Variants in RPE65 observed in about 807,000 individuals in gnomAD.
RPE65 encodes retinoid isomerohydrolase RPE65, also known as retinoid isomerohydrolase.
RPE65 carries 58 observed loss-of-function variants against 68.5 expected under a neutral mutation model. The ratio of observed to expected loss-of-function variants is 0.85; its 90% CI spans 0.69 to 1.05. RPE65 has a LOEUF of 1.05. RPE65 is among the 50% of genes least tolerant of loss of function. The pLI is 0.00. For missense variants in RPE65, 643 were observed against 629.9 expected (o/e 1.02, Z -0.22); for synonymous variants, 220 against 222.2 (o/e 0.99, Z 0.09).
chr1:68,441,335 T>C (rs112349100), intron 5 of RPE65, among the ~76,000 whole-genome samples: 1 of 152,176 alleles, frequency 6.6e-6, no homozygotes, highest in African/African-American at 2.4e-5. Flanking sequence ...ACTCTTATTA[T>C]TGTATTAGAT....
chr1:68,447,363 C>T (rs946697809), intron 2 of RPE65, among the ~76,000 whole-genome samples: 1 of 152,118 alleles, frequency 6.6e-6, no homozygotes, highest in Admixed American at 6.5e-5. Context: ...AGAGCTATAT[C>T]CCTCTGTGAG....
intron 1 of RPE65, among the ~76,000 whole-genome samples, chr1:68,448,965 C>T (rs1159759130): frequency 1.3e-5 from 2 of 152,118 alleles, no homozygotes; most frequent in African/African-American, 2.4e-5. Flanking sequence ...TGTCAAGAGA[C>T]ATGACCTCTC....
chr1:68,436,528 G>T (rs554682036), intron 10 of RPE65, among the ~76,000 whole-genome samples: 9 of 151,952 alleles, frequency 5.9e-5, no homozygotes, highest in African/African-American at 2.2e-4. Flanking sequence ...GAGTGCAATG[G>T]CATGATCTCG....
intron 10 of RPE65, among the ~76,000 whole-genome samples, chr1:68,436,413 T>G (rs1218240009): frequency 6.6e-6 from 1 of 151,952 alleles, no homozygotes; most frequent in African/African-American, 2.4e-5. Flanking sequence ...TAAAATTTAT[T>G]CTTTTTTCTA....
chr1:68,446,105 G>A (rs1304061582), intron 3 of RPE65, among the ~76,000 whole-genome samples: 1 of 152,014 alleles, frequency 6.6e-6, no homozygotes, highest in East Asian at 1.9e-4. Flanking sequence ...CTGGAATGAT[G>A]ATTTAGGGCT....
rs1557600983 is a variant in RPE65, at chr1:68,440,884, G to A, written c.612C>T (p.Tyr204=). The A allele has an allele frequency of 5.0e-6, 8 of 1,613,978 alleles. No individual in the cohort carries two copies. The highest frequency in any genetic ancestry group is 6.8e-6 in the Non-Finnish European group (8 of 1,179,922). The change falls in exon 6 of 14, where the codon TAC becomes TAT. Residue 204 remains tyrosine (Y), a synonymous_variant. Coordinates refer to ENST00000262340, the MANE Select transcript of RPE65 (RefSeq NM_000329.3). ...GCAGTGGTGGGATCTTTACAATGTT[G>A]TAGGCAATTGAAAAATTTTTTCCAA... ...NCFGKNFSIA[Y]NIVKIPPLQA...
chr1:68,436,776 C>G (rs1157032582), intron 10 of RPE65, among the ~76,000 whole-genome samples: 1 of 152,062 alleles, frequency 6.6e-6, no homozygotes, highest in Non-Finnish European at 1.5e-5. Flanking sequence ...CCCAGCTCCT[C>G]TTACTTCTAT....
chr1:68,430,900 G>A (rs112015440), intron 13 of RPE65, among the ~76,000 whole-genome samples, 165 bp downstream of exon 13: 104 of 152,196 alleles, frequency 6.8e-4, no homozygotes, highest in South Asian at 2.9e-3. Flanking sequence ...ATCAAAAGAT[G>A]AAAATTCTTT....
chr1:68,435,349 G>A (rs1490599372), intron 10 of RPE65, among the ~76,000 whole-genome samples: 2 of 151,454 alleles, frequency 1.3e-5, no homozygotes, highest in Admixed American at 6.6e-5. Flanking sequence ...TGTTTCTTTT[G>A]GAAAACCTAA....
intron 5 of RPE65, among the ~76,000 whole-genome samples, chr1:68,443,548 C>A (rs947912368): frequency 1.3e-5 from 2 of 152,150 alleles, no homozygotes; most frequent in Non-Finnish European, 2.9e-5. Context: ...TCTCTAAATT[C>A]ACTGAAATCA....
intron 10 of RPE65, among the ~76,000 whole-genome samples, chr1:68,437,953 T>C (rs996902502): frequency 6.6e-6 from 1 of 152,206 alleles, no homozygotes; most frequent in African/African-American, 2.4e-5. Context: ...AGATTTAGAA[T>C]TTAAAAACCT....
intron 10 of RPE65, among the ~76,000 whole-genome samples, chr1:68,437,553 A>G (rs1215148605): frequency 6.6e-6 from 1 of 152,226 alleles, no homozygotes; most frequent in African/African-American, 2.4e-5. Flanking sequence ...TAGATATAAA[A>G]GAAAGCATAT....
At chr1:68,449,751 G>A in intron 1 of RPE65, 144 bp downstream of exon 1, 1 of 908,712 alleles carries the variant, frequency 1.1e-6, no homozygotes, top group South Asian at 1.5e-5. Context: ...TAATACATAA[G>A]CAGGAAAAAA....
At chr1:68,438,036 T>A in intron 10 of RPE65, 151 bp downstream of exon 10, 1 of 918,746 alleles carries the variant, frequency 1.1e-6, no homozygotes, top group Non-Finnish European at 1.6e-6. Flanking sequence ...GTTTCATTTG[T>A]AAAATGAAGG....
chr1:68,438,098 C>T lies in RPE65; in HGVS notation c.1128+89G>A, dbSNP rs377413027. On this transcript the variant is annotated intron_variant, in intron 10 of 13. Coordinates refer to ENST00000262340, the MANE Select transcript of RPE65 (RefSeq NM_000329.3). ...TCCTTCTAGCTCTCAAATTTCAAGA[C>T]TTTATGTATAAACATGAGGCAGGAG... The T allele has an allele frequency of 2.6e-6, 4 of 1,523,224 alleles. No individual in the cohort carries two copies. The African/African-American group carries it at 4.1e-5, about 16-fold the overall frequency. The allele number at this position is 1,523,224 out of a possible 1,614,324, so 94.4% of individuals were successfully genotyped here. A position where few individuals can be genotyped will look rare whatever the true frequency, so the allele number is the denominator to read the frequency against.
At position 68,429,926 on chromosome 1, in the gene RPE65, A is replaced by T. The variant is rs775602082; in HGVS notation, c.1452T>A (p.Gly484=). The T allele has an allele frequency of 4.3e-6, 7 of 1,613,472 alleles. No homozygotes were observed. In the African/African-American group the frequency reaches 9.4e-5, roughly 22 times the overall value. ...GGCTCACCACCACACTCAGAACTAC[A>T]CCTGTTTATCAGAAGTAAATTAGGC... ...SHPDALEEDD[G]VVLSVVVSPG... The change falls in exon 14 of 14, where the codon GGT becomes GGA. Residue 484 remains glycine (G), a splice_region_variant and synonymous_variant. Coordinates refer to ENST00000262340, the MANE Select transcript of RPE65 (RefSeq NM_000329.3).
chr1:68,435,873 C>T (rs959341465), intron 10 of RPE65, among the ~76,000 whole-genome samples: 9 of 152,196 alleles, frequency 5.9e-5, no homozygotes, highest in East Asian at 1.9e-4. Flanking sequence ...CACTAGGTAA[C>T]GGGCTCCATG....
rs56021047 is a variant in RPE65, at chr1:68,444,594, G to C, written c.432C>G (p.Tyr144Ter). The change falls in exon 5 of 14, where the codon TAC becomes TAG. Residue 144 changes from tyrosine to a stop codon, truncating the protein, a stop_gained. Transcript: ENST00000262340. LOFTEE classifies it high-confidence loss of function. ...VNVYPVGEDYYACTETNFITK... is the reference protein window; with the variant it reads ...VNVYPVGEDY ...TAATAAAGTTGGTCTCTGTGCAAGC[G>C]TAGTAATCTTCCCCCACTGGGTAGA... The C allele has an allele frequency of 1.9e-6, 3 of 1,613,954 alleles. No homozygotes were observed. In the Admixed American group the frequency reaches 5.0e-5, roughly 27 times the overall value.
intron 10 of RPE65, among the ~76,000 whole-genome samples, chr1:68,437,240 A>T (rs1645868395): frequency 6.6e-6 from 1 of 152,070 alleles, no homozygotes; most frequent in Admixed American, 6.6e-5. Context: ...TCTGCCCAAA[A>T]CCCATCTCCC....
Sources: gnomAD v4.1 joint callset for allele counts (sites outside exome capture counted in the v4.1 genomes callset) on GRCh38, gnomAD v4.1.1 for gene constraint, MANE v1.5 for transcripts, NCBI Gene and HGNC (gene_info 2026-07-23, HGNC 2026-07-21) for gene names.